Variants in MACROD2 observed in about 807,000 individuals in gnomAD.
The protein encoded by MACROD2 is mono-ADP ribosylhydrolase 2.
In MACROD2, 36 loss-of-function variants were observed where a neutral mutation model predicts 70.4. The observed-to-expected ratio is 0.51, with a 90% CI of 0.39 to 0.68. The LOEUF (loss-of-function observed/expected upper bound fraction) is 0.68, where lower values mean the gene tolerates loss of function less well. Ranked by LOEUF, MACROD2 falls within the 30% of genes least tolerant of loss-of-function variation. The probability of loss-of-function intolerance (pLI) is 0.00; values close to 1 mark genes in which losing one functional copy is unlikely to be tolerated. For missense variants in MACROD2, 496 were observed against 538.4 expected, an observed-to-expected ratio of 0.92 and a Z score of 0.78; for synonymous variants, 172 against 178.8, an observed-to-expected ratio of 0.96 and a Z score of 0.30.
At chr20:15,395,676 A>G (rs1343902288) in intron 6 of MACROD2, among the ~76,000 whole-genome samples, 2 of 152,196 alleles carry the variant, frequency 1.3e-5, no homozygotes, top group Non-Finnish European at 2.9e-5. Context: ...CCAAATTAAC[A>G]TATTTGACTA....
At chr20:14,331,243 A>G (rs1388499980) in intron 3 of MACROD2, among the ~76,000 whole-genome samples, 1 of 152,110 alleles carries the variant, frequency 6.6e-6, no homozygotes, top group Non-Finnish European at 1.5e-5. Context: ...TCTGGACTAT[A>G]TATATATTTC....
chr20:14,451,076 G>T (rs779232820), intron 3 of MACROD2, among the ~76,000 whole-genome samples: 1 of 151,986 alleles, frequency 6.6e-6, no homozygotes, highest in African/African-American at 2.4e-5. Flanking sequence ...GAGTTTTTTG[G>T]GGGGCTGGTC....
At chr20:14,151,339 A>G (rs564552159) in intron 3 of MACROD2, among the ~76,000 whole-genome samples, 1 of 152,212 alleles carries the variant, frequency 6.6e-6, no homozygotes. Context: ...GAGGTGAAGA[A>G]GAGATGTCTA....
At chr20:15,785,544 T>G (rs2051911018) in intron 8 of MACROD2, among the ~76,000 whole-genome samples, 2 of 152,146 alleles carry the variant, frequency 1.3e-5, no homozygotes, top group South Asian at 2.1e-4. Flanking sequence ...AGGGTAAGTT[T>G]AGGGAGGAAT....
chr20:15,282,762 C>G (rs1472955337), intron 6 of MACROD2, among the ~76,000 whole-genome samples: 1 of 152,168 alleles, frequency 6.6e-6, no homozygotes, highest in Non-Finnish European at 1.5e-5. Context: ...CCAAACTATT[C>G]CAACCTCTGC....
At chr20:14,852,188 G>A (rs553730954) in intron 5 of MACROD2, among the ~76,000 whole-genome samples, 1 of 152,152 alleles carries the variant, frequency 6.6e-6, no homozygotes, top group South Asian at 2.1e-4. Context: ...GGAAAGAGCA[G>A]TCTGGCCGAT....
chr20:14,303,253 A>C (rs531070684), intron 3 of MACROD2, among the ~76,000 whole-genome samples: 2 of 152,168 alleles, frequency 1.3e-5, no homozygotes, highest in Non-Finnish European at 2.9e-5. Flanking sequence ...TAGGAAATGC[A>C]CAAGGCCTCA....
chr20:15,288,867 G>GTCTATCTATCTA (rs3070384), intron 6 of MACROD2, among the ~76,000 whole-genome samples: 1,667 of 146,960 alleles, frequency 0.011, 30 homozygotes, highest in Non-Finnish European at 9.4e-3. Context: ...CTGTCTGTCT[G>GTCTATCTATCTA]TCTATCTATC....
chr20:14,681,640 G>A (rs1380838095), intron 4 of MACROD2, among the ~76,000 whole-genome samples: 4 of 152,104 alleles, frequency 2.6e-5, no homozygotes, highest in South Asian at 2.1e-4. Flanking sequence ...TTCAGGGAAA[G>A]GTTTTGTATC....
At chr20:15,317,920 A>G (rs958207854) in intron 6 of MACROD2, among the ~76,000 whole-genome samples, 6 of 152,070 alleles carry the variant, frequency 3.9e-5, no homozygotes, top group African/African-American at 1.4e-4. Flanking sequence ...TGTTTGGCCA[A>G]ATGTCTGGGA....
chr20:14,301,150 A>G (rs1049001609), intron 3 of MACROD2, among the ~76,000 whole-genome samples: 1 of 152,186 alleles, frequency 6.6e-6, no homozygotes, highest in African/African-American at 2.4e-5. Context: ...CACACCTAGT[A>G]GGTGGTAGAC....
At chr20:14,401,616 A>C (rs1220820051) in intron 3 of MACROD2, among the ~76,000 whole-genome samples, 1 of 151,970 alleles carries the variant, frequency 6.6e-6, no homozygotes, top group Non-Finnish European at 1.5e-5. Flanking sequence ...TTCTGAATTG[A>C]CTCAATTCAA....
intron 3 of MACROD2, among the ~76,000 whole-genome samples, chr20:14,385,825 A>G (rs953150308): frequency 2.0e-5 from 3 of 152,246 alleles, no homozygotes; most frequent in African/African-American, 7.2e-5. Context: ...TGATTTAAAA[A>G]CACTGACTTT....
chr20:14,235,229 G>T (rs2081857968), intron 3 of MACROD2, among the ~76,000 whole-genome samples: 1 of 152,158 alleles, frequency 6.6e-6, no homozygotes, highest in African/African-American at 2.4e-5. Flanking sequence ...ATTTAACTTT[G>T]TAAAGCCTAA....
intron 8 of MACROD2, among the ~76,000 whole-genome samples, chr20:15,634,715 G>A (rs465528): frequency 0.098 from 14,945 of 152,226 alleles, 850 homozygotes; most frequent in Non-Finnish European, 0.11. Context: ...GTCGGATATT[G>A]TCAGTTATCG....
At chr20:15,577,705 A>T (rs564975589) in intron 8 of MACROD2, among the ~76,000 whole-genome samples, 9 of 152,308 alleles carry the variant, frequency 5.9e-5, no homozygotes, top group African/African-American at 1.9e-4. Context: ...ATAGATAAAC[A>T]CATGTACTCA....
chr20:15,279,827 A>T (rs2077427178), intron 6 of MACROD2, among the ~76,000 whole-genome samples: 1 of 152,134 alleles, frequency 6.6e-6, no homozygotes, highest in South Asian at 2.1e-4. Flanking sequence ...ATCTTATTTA[A>T]CCCAGTGCAA....
chr20:14,311,393 G>C (rs2082565791), intron 3 of MACROD2, among the ~76,000 whole-genome samples: 5 of 152,160 alleles, frequency 3.3e-5, no homozygotes, highest in African/African-American at 1.2e-4. Context: ...TCCTAGGTGT[G>C]TAGTAGGCTA....
intron 6 of MACROD2, among the ~76,000 whole-genome samples, chr20:15,341,899 A>T (rs1010280795): frequency 3.0e-4 from 45 of 151,680 alleles, no homozygotes; most frequent in Admixed American, 2.1e-3. Context: ...AAAATTTTTT[A>T]AAAAATTAGC....
Sources: gnomAD v4.1 joint callset for allele counts (sites outside exome capture counted in the v4.1 genomes callset) on GRCh38, gnomAD v4.1.1 for gene constraint, MANE v1.5 for transcripts, NCBI Gene and HGNC (gene_info 2026-07-23, HGNC 2026-07-21) for gene names.